Variants in AKAP6 observed in about 807,000 individuals in gnomAD.
The protein encoded by AKAP6 is A-kinase anchoring protein 6.
A neutral mutation model predicts 188.5 loss-of-function variants in AKAP6; 58 were observed. The ratio of observed to expected loss-of-function variants is 0.31; its 90% CI spans 0.25 to 0.38. AKAP6 has a LOEUF of 0.38. Ranked by LOEUF, AKAP6 falls within the 10% of genes least tolerant of loss-of-function variation. The pLI, the probability that AKAP6 is intolerant of heterozygous loss-of-function variation, is 1.00. For synonymous variants in AKAP6, 989 were observed against 998.6 expected (o/e 0.99, Z 0.18); for missense variants, 2,710 against 2,740.0 (o/e 0.99, Z 0.24).
chr14:32,356,393 G>T (rs1887486319), intron 1 of AKAP6, among the ~76,000 whole-genome samples: 2 of 152,042 alleles, frequency 1.3e-5, no homozygotes, highest in African/African-American at 4.8e-5. Context: ...TGTCTCACAG[G>T]CATCTCCCCC....
intron 2 of AKAP6, among the ~76,000 whole-genome samples, chr14:32,481,322 T>A: frequency 6.6e-6 from 1 of 152,194 alleles, no homozygotes; most frequent in East Asian, 1.9e-4. Context: ...TTGCTATCAA[T>A]TTCATATACA....
At chr14:32,795,507 T>C (rs2033739234) in intron 12 of AKAP6, among the ~76,000 whole-genome samples, 1 of 152,144 alleles carries the variant, frequency 6.6e-6, no homozygotes, top group African/African-American at 2.4e-5. Context: ...ATAAATGTGA[T>C]TCATCACATA....
Position 32,776,476 on chromosome 14 carries a change from C to A in AKAP6, c.3588+2583C>A, listed in dbSNP as rs571870391. Among the ~76,000 whole-genome samples, 96 of 152,214 alleles carry A rather than the reference C, an allele frequency of 6.3e-4. No homozygotes were observed. In the Middle Eastern group the frequency reaches 0.01, roughly 16 times the overall value. On this transcript the variant is annotated intron_variant, in intron 12 of 13. Coordinates refer to ENST00000280979, the MANE Select transcript of AKAP6 (RefSeq NM_004274.5). ...CACATGGAACTGTGAGTTCATTAAA[C>A]CTCTTTTTCTTTATAAATTATTCAG...
At chr14:32,565,036 G>T (rs559155414) in intron 4 of AKAP6, among the ~76,000 whole-genome samples, 2 of 152,280 alleles carry the variant, frequency 1.3e-5, no homozygotes, top group South Asian at 4.1e-4. Flanking sequence ...AGTGAACAAA[G>T]TTGAGTGCAT....
At chr14:32,750,944 C>T (rs2032109937) in intron 11 of AKAP6, among the ~76,000 whole-genome samples, 1 of 151,454 alleles carries the variant, frequency 6.6e-6, no homozygotes, top group Admixed American at 6.6e-5. Flanking sequence ...ACCATGTTAG[C>T]CAGGATGGTC....
At chr14:32,341,532 G>A (rs898518376) in intron 1 of AKAP6, among the ~76,000 whole-genome samples, 1 of 152,198 alleles carries the variant, frequency 6.6e-6, no homozygotes, top group Non-Finnish European at 1.5e-5. Flanking sequence ...AGTGCAAAGA[G>A]CACACAGGGT....
At chr14:32,371,949 T>G (rs1002522093) in intron 1 of AKAP6, among the ~76,000 whole-genome samples, 1 of 152,164 alleles carries the variant, frequency 6.6e-6, no homozygotes, top group African/African-American at 2.4e-5. Flanking sequence ...TCTACTTCTC[T>G]TTTCTTTCTT....
intron 9 of AKAP6, among the ~76,000 whole-genome samples, chr14:32,728,806 T>C (rs1255259270): frequency 6.6e-6 from 1 of 152,308 alleles, no homozygotes; most frequent in East Asian, 1.9e-4. Context: ...TATTTTGAAT[T>C]CCATCATGCT....
In AKAP6 at chr14:32,568,007, G is replaced by C. The variant is rs150054542; in HGVS notation, c.2347-9113G>C. 2.5e-3 allele frequency among the ~76,000 whole-genome samples: 380 copies of C among 151,862 alleles called. No homozygotes were observed. The highest frequency in any genetic ancestry group is 6.8e-3 in the Middle Eastern group (2 of 294). On this transcript the variant is annotated intron_variant, in intron 4 of 13. Coordinates refer to ENST00000280979, the MANE Select transcript of AKAP6 (RefSeq NM_004274.5). The surrounding 1 kb of genome is among the most constrained non-coding windows in gnomAD (Gnocchi z 6.2). ...AAGGAGGGGAGGGGCTGGAGAAGAG[G>C]AAAGAGAAAAAAGAGGCAAAACAAC...
At chr14:32,653,104 A>G (rs1036395041) in intron 7 of AKAP6, among the ~76,000 whole-genome samples, 3 of 152,142 alleles carry the variant, frequency 2.0e-5, no homozygotes, top group Non-Finnish European at 2.9e-5. Flanking sequence ...ACAGCCAGGG[A>G]CAACTTTGCA....
At chr14:32,783,276 G>T (rs1044630838) in intron 12 of AKAP6, among the ~76,000 whole-genome samples, 1 of 151,948 alleles carries the variant, frequency 6.6e-6, no homozygotes, top group Non-Finnish European at 1.5e-5. Context: ...TGACCTAAAT[G>T]TAAAATGTAG....
intron 1 of AKAP6, among the ~76,000 whole-genome samples, chr14:32,330,625 A>C (rs1453172044): frequency 6.6e-6 from 1 of 151,068 alleles, no homozygotes; most frequent in Non-Finnish European, 1.5e-5. Context: ...GCAACCATTG[A>C]ATTCCTCTTC....
chr14:32,741,485 T>A (rs1386392837), intron 11 of AKAP6, among the ~76,000 whole-genome samples: 2 of 152,072 alleles, frequency 1.3e-5, no homozygotes, highest in African/African-American at 4.8e-5. Context: ...AATGTGATAC[T>A]ACCTGTGGCT....
chr14:32,749,361 G>T (rs1356051642), intron 11 of AKAP6, among the ~76,000 whole-genome samples: 1 of 152,130 alleles, frequency 6.6e-6, no homozygotes, highest in Non-Finnish European at 1.5e-5. Context: ...AAGTAGATCA[G>T]CCAATAGCCA....
At chr14:32,584,286 G>T (rs559156455) in intron 5 of AKAP6, among the ~76,000 whole-genome samples, 4 of 152,300 alleles carry the variant, frequency 2.6e-5, no homozygotes, top group African/African-American at 7.2e-5. Context: ...TAATGAGCAG[G>T]TAGCATATAC....
chr14:32,509,566 A>G (rs777741489), intron 2 of AKAP6, among the ~76,000 whole-genome samples: 8 of 152,130 alleles, frequency 5.3e-5, no homozygotes, highest in South Asian at 2.1e-4. Flanking sequence ...AAATCCTTCC[A>G]TTGGCCATTT....
chr14:32,466,147 C>G (rs1291878893), intron 2 of AKAP6, among the ~76,000 whole-genome samples: 2 of 152,136 alleles, frequency 1.3e-5, no homozygotes, highest in Non-Finnish European at 2.9e-5. Context: ...ATTATTTCAG[C>G]CATTGTGGAA....
chr14:32,362,385 C>T (rs935411739), intron 1 of AKAP6, among the ~76,000 whole-genome samples: 2 of 152,110 alleles, frequency 1.3e-5, no homozygotes, highest in African/African-American at 4.8e-5. Flanking sequence ...AAATGCAGCA[C>T]ATTAATACAA....
chr14:32,824,842 G>A, intron 13 of AKAP6, 27 bp downstream of exon 13: 3 of 1,511,404 alleles, frequency 2.0e-6, no homozygotes, highest in Non-Finnish European at 2.7e-6. Context: ...TGCCGTATAT[G>A]TATTTAAAAT....
Sources: allele counts gnomAD v4.1 joint callset (sites outside exome capture counted in the v4.1 genomes callset), GRCh38; gene constraint gnomAD v4.1.1; non-coding constraint Gnocchi (gnomAD v3.1); transcripts MANE v1.5; gene names NCBI Gene and HGNC (gene_info 2026-07-23, HGNC 2026-07-21).